Variants in PCDHGA1 observed in about 807,000 individuals in gnomAD.
PCDHGA1 encodes protocadherin gamma-A1.
A neutral mutation model predicts 58.0 loss-of-function variants in PCDHGA1; 32 were observed. That is an observed-to-expected ratio of 0.55 (90% CI 0.42 to 0.74). The LOEUF (loss-of-function observed/expected upper bound fraction) is 0.74. PCDHGA1 is among the 30% of genes least tolerant of loss of function. The pLI, the probability that PCDHGA1 is intolerant of heterozygous loss-of-function variation, is 0.00. For synonymous variants in PCDHGA1, 498 were observed against 501.1 expected (o/e 0.99, Z 0.08); for missense variants, 1,205 against 1,182.3 (o/e 1.02, Z -0.28).
At chr5:141,371,477 GCTGGGGA>G (rs1767781947) in intron 1 of PCDHGA1, 2 of 1,613,972 alleles carry the variant, frequency 1.2e-6, no homozygotes, top group African/African-American at 2.7e-5. Flanking sequence ...AAGATGCTGA[GCTGGGGA>G]CTGCCGTTGC....
intron 2 of PCDHGA1, among the ~76,000 whole-genome samples, chr5:141,496,419 C>T (rs1292183963): frequency 6.6e-6 from 1 of 152,174 alleles, no homozygotes; most frequent in Non-Finnish European, 1.5e-5. Flanking sequence ...TACTTGCTGT[C>T]CACATTTGCC....
chr5:141,351,046 G>A (rs922791130), intron 1 of PCDHGA1: 3 of 1,613,934 alleles, frequency 1.9e-6, no homozygotes, highest in South Asian at 2.2e-5. Flanking sequence ...TGCGGGTGAT[G>A]GCCACAGACC....
rs142115917 is a variant in PCDHGA1, at chr5:141,361,509, G to T, written c.2421+28404G>T. On this transcript the variant is annotated intron_variant, in intron 1 of 3. Coordinates refer to ENST00000517417, the MANE Select transcript of PCDHGA1 (RefSeq NM_018912.3). ...CAGTTTTCCAACAGACTTCCTACAT[G>T]GTTCACGTGGCAGAGAACAATCCTC... 1.6e-4 allele frequency: 252 copies of T among 1,613,978 alleles called. No homozygotes were observed. In the East Asian group the frequency reaches 5.6e-3, roughly 36 times the overall value.
chr5:141,490,960 T>C lies in PCDHGA1; in HGVS notation c.2422-3847T>C. 1.9e-6 allele frequency: 3 copies of C among 1,613,794 alleles called. No homozygotes were observed. The highest frequency in any genetic ancestry group is 2.2e-5 in the South Asian group (2 of 91,030). On this transcript the variant is annotated intron_variant, in intron 1 of 3. Transcript: ENST00000517417. The surrounding 1 kb of genome is among the most constrained non-coding windows in gnomAD (Gnocchi z 5.4). ...GCACCCACGGCCAGACTGGGAACACTCAGCCCCCCAGCGTCTCCCTCGCTC... is the reference window on the plus strand; with the variant it reads ...GCACCCACGGCCAGACTGGGAACACCCAGCCCCCCAGCGTCTCCCTCGCTC...
intron 3 of PCDHGA1, among the ~76,000 whole-genome samples, chr5:141,505,782 T>A (rs1163025757): frequency 6.6e-6 from 1 of 152,204 alleles, no homozygotes; most frequent in Non-Finnish European, 1.5e-5. Context: ...CTAGCTCTGC[T>A]ACTATCCTTG....
chr5:141,370,773 AACG>A, intron 1 of PCDHGA1: 2 of 1,614,002 alleles, frequency 1.2e-6, no homozygotes, highest in Non-Finnish European at 1.7e-6. Flanking sequence ...CCAGGATATT[AACG>A]ACAACCCACC....
Position 141,361,197 on chromosome 5 carries a change from T to C in PCDHGA1, c.2421+28092T>C, listed in dbSNP as rs750965424. 2.5e-6 allele frequency: 4 copies of C among 1,613,872 alleles called. No individual in the cohort carries two copies. In the Admixed American group the frequency reaches 6.7e-5, roughly 27 times the overall value. Reference sequence around the variant, plus strand: ...AAGTTATTGTGACTTCAGTATCTACTCCCCTACCGGAGGATTCGCCACCAG... The same window carrying C: ...AAGTTATTGTGACTTCAGTATCTACCCCCCTACCGGAGGATTCGCCACCAG... On this transcript the variant is annotated intron_variant, in intron 1 of 3. Transcript: ENST00000517417.
chr5:141,423,865 T>G, intron 1 of PCDHGA1: 1 of 1,285,992 alleles, frequency 7.8e-7, no homozygotes, highest in Non-Finnish European at 9.9e-7. Flanking sequence ...TTTGTGAAAG[T>G]CATTTTTCAA....
chr5:141,339,441 C>A (rs374678605), intron 1 of PCDHGA1: 54 of 1,614,076 alleles, frequency 3.3e-5, no homozygotes, highest in Admixed American at 1.5e-4. Flanking sequence ...CTTAAGAATG[C>A]GCATGATGCA....
intron 2 of PCDHGA1, 119 bp from the exon 3 acceptor site, chr5:141,505,274 C>T: frequency 6.6e-7 from 1 of 1,524,344 alleles, no homozygotes; most frequent in East Asian, 2.3e-5. Flanking sequence ...CTGAGAGAAA[C>T]AGGTCTTGGG....
chr5:141,388,698 G>T (rs752631718), intron 1 of PCDHGA1: 2 of 1,613,886 alleles, frequency 1.2e-6, no homozygotes, highest in Admixed American at 1.7e-5. Context: ...CCAGGATGAG[G>T]GTGTCAATGC....
In PCDHGA1 at chr5:141,331,658, C is replaced by A; in HGVS notation, c.974C>A (p.Ala325Glu). 1 of 1,613,824 alleles carries A rather than the reference C, an allele frequency of 6.2e-7. No homozygotes were observed. Among genetic ancestry groups the A allele is most frequent in the Non-Finnish European group, 8.5e-7 (1 of 1,179,870 alleles). The change falls in exon 1 of 4, where the codon GCG (alanine) becomes GAG (glutamate). Residue 325 changes from alanine (A) to glutamate (E), a missense_variant. Coordinates refer to ENST00000517417, the MANE Select transcript of PCDHGA1 (RefSeq NM_018912.3). Reference protein sequence around the residue: ...YSMEVQAQDGAGLMAKVKVLI... With the variant: ...YSMEVQAQDGEGLMAKVKVLI... ...ATGGAAGTTCAAGCCCAGGATGGTG[C>A]GGGGCTCATGGCTAAAGTTAAGGTA...
In PCDHGA1 at chr5:141,423,081, C is replaced by T. The variant is rs1393904828; in HGVS notation, c.2422-71726C>T. 3.1e-6 allele frequency: 5 copies of T among 1,613,966 alleles called. No individual in the cohort carries two copies. The African/African-American group carries it at 4.0e-5, about 13-fold the overall frequency. ...TTAAGGCCAGCGAGCCGGGACTCTT[C>T]GCGGTGGGGGAGCACACGGGCGAGG... is the stretch of plus-strand genomic sequence containing the variant. On this transcript the variant is annotated intron_variant, in intron 1 of 3. Coordinates refer to ENST00000517417, the MANE Select transcript of PCDHGA1 (RefSeq NM_018912.3).
At chr5:141,340,213 GTT>G in intron 1 of PCDHGA1, 1 of 1,614,216 alleles carries the variant, frequency 6.2e-7, no homozygotes, top group Non-Finnish European at 8.5e-7. Flanking sequence ...ACAGGGAACA[GTT>G]TTCCTTTTAC....
intron 1 of PCDHGA1, chr5:141,374,363 G>A: frequency 6.2e-7 from 1 of 1,614,034 alleles, no homozygotes; most frequent in Non-Finnish European, 8.5e-7. Context: ...AGACCGCGAG[G>A]AGCTCTGTGC....
intron 1 of PCDHGA1, chr5:141,333,993 T>C (rs1283708452): frequency 6.6e-6 from 1 of 152,220 alleles, no homozygotes; most frequent in Non-Finnish European, 1.5e-5. Flanking sequence ...AAATCAAGTA[T>C]ATATCCTATT....
chr5:141,410,135 G>T, intron 1 of PCDHGA1: 1 of 1,612,626 alleles, frequency 6.2e-7, no homozygotes, highest in Non-Finnish European at 8.5e-7. Context: ...CCTGCTGGTC[G>T]CTGTGCGTGA....
At chr5:141,340,070 G>A (rs1163417830) in intron 1 of PCDHGA1, 1 of 1,613,916 alleles carries the variant, frequency 6.2e-7, no homozygotes, top group African/African-American at 1.3e-5. Flanking sequence ...AACCATAATT[G>A]GGCTTTTTAA....
chr5:141,491,361 C>T lies in PCDHGA1; in HGVS notation c.2422-3446C>T. 1 of 1,614,132 alleles carries T rather than the reference C, an allele frequency of 6.2e-7. No homozygotes were observed. The highest frequency in any genetic ancestry group is 8.5e-7 in the Non-Finnish European group (1 of 1,179,982). ...CGACCGTCAGTCTCTTATCCCTAGT[C>T]ACCTTCACCTTTCTGTCAGCGAAGT... On this transcript the variant is annotated intron_variant, in intron 1 of 3. Transcript: ENST00000517417. The surrounding 1 kb of genome is among the most constrained non-coding windows in gnomAD (Gnocchi z 6.9).
Sources: gnomAD v4.1 joint callset for allele counts (sites outside exome capture counted in the v4.1 genomes callset) on GRCh38, gnomAD v4.1.1 for gene constraint, Gnocchi (gnomAD v3.1) non-coding constraint, MANE v1.5 for transcripts, NCBI Gene and HGNC (gene_info 2026-07-23, HGNC 2026-07-21) for gene names.